The following GNG3 variants were observed in gnomAD, a reference collection of about 807,000 sequenced individuals.
GNG3 encodes G protein subunit gamma 3, also known as guanine nucleotide-binding protein G(I)/G(S)/G(O) subunit gamma-3.
GNG3 carries 4 observed loss-of-function variants against 5.6 expected under a neutral mutation model. That is an observed-to-expected ratio of 0.71 (90% CI 0.35 to 1.63). The LOEUF is 1.63. Among genes scored for constraint, GNG3 ranks in the 40% most tolerant of loss-of-function variants. The probability of loss-of-function intolerance (pLI) is 0.05; values close to 1 mark genes in which losing one functional copy is unlikely to be tolerated. For synonymous variants in GNG3, 30 were observed against 33.5 expected (o/e 0.89, Z 0.36); for missense variants, 62 against 96.6 (o/e 0.64, Z 1.50).
rs1196620339 is a variant in GNG3, at chr11:62,708,275, G to A, written c.-1-20G>A. The A allele has an allele frequency of 1.3e-6, 2 of 1,513,954 alleles. No individual in the cohort carries two copies. Among genetic ancestry groups the A allele is most frequent in the Admixed American group, 3.3e-5 (2 of 59,898 alleles). The allele number at this position is 1,513,954 out of a possible 1,614,324, so 93.8% of individuals were successfully genotyped here. ...GCCTCCAGCTGAGACTGTGCTCTGAGAGGTCCCTCTTTTTTCCAGGATGAA... is the reference window on the plus strand; with the variant it reads ...GCCTCCAGCTGAGACTGTGCTCTGAAAGGTCCCTCTTTTTTCCAGGATGAA... On this transcript the variant is annotated intron_variant, in intron 1 of 2. Coordinates refer to ENST00000294117, the MANE Select transcript of GNG3 (RefSeq NM_012202.5).
In GNG3 at chr11:62,708,284, C is replaced by G. The variant is rs1368104440; in HGVS notation, c.-1-11C>G. 1 of 1,589,732 alleles carries G rather than the reference C, an allele frequency of 6.3e-7. No homozygotes were observed. The highest frequency in any genetic ancestry group is 1.7e-5 in the Admixed American group (1 of 59,994). On this transcript the variant is annotated splice_polypyrimidine_tract_variant and intron_variant, in intron 1 of 2. Transcript: ENST00000294117. ...TGAGACTGTGCTCTGAGAGGTCCCT[C>G]TTTTTTCCAGGATGAAAGGTGAGAC...
At chr11:62,706,477 T>G, upstream of GNG3, 4 of 397,722 alleles carry the variant, frequency 1.0e-5, no homozygotes, top group South Asian at 5.8e-5. Flanking sequence ...GCGGCAGGTT[T>G]CCCTCCGGTT....
rs1037125750 is a variant in GNG3, at chr11:62,709,147, C to G, written c.*341C>G. ...GCCAGGTTCTTGCTCTCAGTCTCAC[C>G]TGGAGCTACTGGGAGGGTAAAGCCA... On this transcript the variant is annotated 3_prime_UTR_variant, in exon 3 of 3. Transcript: ENST00000294117. 4.2e-6 allele frequency: 2 copies of G among 475,050 alleles called. No individual in the cohort carries two copies. The highest frequency in any genetic ancestry group is 3.9e-5 in the African/African-American group (2 of 50,816). 29.4% of individuals were successfully genotyped at this position (475,050 alleles called of 1,614,324 possible).
At position 62,708,590 on chromosome 11, in the gene GNG3, G is replaced by T. The variant is rs189832771; in HGVS notation, c.100-88G>T. ...AAGACAAGTCGTAAGGAGCCCTGGA[G>T]ATGGCAAAAGAGAACCCATTTGGGG... On this transcript the variant is annotated intron_variant, in intron 2 of 2. Coordinates refer to ENST00000294117, the MANE Select transcript of GNG3 (RefSeq NM_012202.5). 291 of 1,565,322 alleles carry T rather than the reference G, an allele frequency of 1.9e-4. No individual in the cohort carries two copies. In the African/African-American group the frequency reaches 3.8e-3, roughly 20 times the overall value.
chr11:62,708,186 G>C, intron 1 of GNG3, 109 bp from the exon 2 acceptor site: 1 of 777,660 alleles, frequency 1.3e-6, no homozygotes, highest in South Asian at 1.4e-5. Flanking sequence ...GATAGGAGGG[G>C]AACAAAATAT....
chr11:62,707,346 A>G (rs768492253), upstream of GNG3: 1 of 756,444 alleles, frequency 1.3e-6, no homozygotes, highest in South Asian at 1.5e-5. Context: ...ACGAAGATTC[A>G]GGTGCTAAGT....
At chr11:62,708,056 T>G (rs536925856) in intron 1 of GNG3, 141 bp downstream of exon 1, 2 of 555,060 alleles carry the variant, frequency 3.6e-6, no homozygotes, top group South Asian at 4.1e-5. Context: ...AAATCATTTG[T>G]GTAAGGTTTA....
At position 62,708,909 on chromosome 11, in the gene GNG3, T is replaced by A; in HGVS notation, c.*103T>A. 1.1e-6 allele frequency: 1 copy of A among 872,466 alleles called. No homozygotes were observed. The highest frequency in any genetic ancestry group is 1.7e-5 in the African/African-American group (1 of 60,090). 54.0% of individuals were successfully genotyped at this position (872,466 alleles called of 1,614,324 possible). A position where few individuals can be genotyped will look rare whatever the true frequency, so the allele number is the denominator to read the frequency against. On this transcript the variant is annotated 3_prime_UTR_variant, in exon 3 of 3. Coordinates refer to ENST00000294117, the MANE Select transcript of GNG3 (RefSeq NM_012202.5). ...CCTTAGGCTCCTTGCATCCCATCCC[T>A]AACCCTTGCCTGACCATGTGAGGTT...
chr11:62,708,106 C>T (rs1463536811), intron 1 of GNG3, 189 bp from the exon 2 acceptor site: 1 of 610,974 alleles, frequency 1.6e-6, no homozygotes, highest in Non-Finnish European at 3.0e-6. Context: ...TTGGGGAGCA[C>T]CTCATCCCAC....
chr11:62,708,953 A>C lies in GNG3; in HGVS notation c.*147A>C, dbSNP rs987310052. 4.3e-6 allele frequency: 3 copies of C among 691,468 alleles called. No homozygotes were observed. Among genetic ancestry groups the C allele is most frequent in the Non-Finnish European group, 5.1e-6 (2 of 389,968 alleles). The allele number at this position is 691,468 out of a possible 1,614,324, so 42.8% of individuals were successfully genotyped here. A position where few individuals can be genotyped will look rare whatever the true frequency, so the allele number is the denominator to read the frequency against. ...TGAGGTTATCTGAAGCACAAGGCCC[A>C]CCCTCACCTATCTGTCGACCCCATT... On this transcript the variant is annotated 3_prime_UTR_variant, in exon 3 of 3. Coordinates refer to ENST00000294117, the MANE Select transcript of GNG3 (RefSeq NM_012202.5).
In GNG3 at chr11:62,708,205, G is replaced by T; in HGVS notation, c.-1-90G>T. ...GGAGGGGAACAAAATATTGGGGTAT[G>T]ACCACAGCCTTGTAAAGGTTGGTGT... On this transcript the variant is annotated intron_variant, in intron 1 of 2. Transcript: ENST00000294117. 4.7e-6 allele frequency: 4 copies of T among 850,982 alleles called. No homozygotes were observed. The South Asian group carries it at 5.3e-5, about 11-fold the overall frequency. The allele number at this position is 850,982 out of a possible 1,614,324, so 52.7% of individuals were successfully genotyped here.
rs1218399619 is a variant in GNG3, at chr11:62,708,289, T to C, written c.-1-6T>C. On this transcript the variant is annotated splice_polypyrimidine_tract_variant and splice_region_variant and intron_variant, in intron 1 of 2. Transcript: ENST00000294117. ...CTGTGCTCTGAGAGGTCCCTCTTTTTTCCAGGATGAAAGGTGAGACCCCGG... is the reference window on the plus strand; with the variant it reads ...CTGTGCTCTGAGAGGTCCCTCTTTTCTCCAGGATGAAAGGTGAGACCCCGG... The C allele has an allele frequency of 6.3e-7, 1 of 1,597,270 alleles. No individual in the cohort carries two copies.
chr11:62,708,321 G>T lies in GNG3; in HGVS notation c.26G>T (p.Ser9Ile), dbSNP rs1193395075. MKGETPVN[S>I]TMSIGQARKM... ...ATGAAAGGTGAGACCCCGGTGAACA[G>T]CACTATGAGTATTGGGCAAGCACGC... Residue 9 changes from serine (S) to isoleucine (I), a missense_variant, in exon 2 of 3, where the codon AGC becomes ATC. Physicochemically the swap from Ser to Ile is moderately radical, Grantham distance 142 (BLOSUM62 -2). Around this residue, in one of 2 missense-constraint regions of GNG3, gnomAD observed 58 missense variants for 75.4 expected, o/e 0.77. Coordinates refer to ENST00000294117, the MANE Select transcript of GNG3 (RefSeq NM_012202.5). 1.2e-6 allele frequency: 2 copies of T among 1,612,916 alleles called. No individual in the cohort carries two copies. Among genetic ancestry groups the T allele is most frequent in the Non-Finnish European group, 1.7e-6 (2 of 1,178,942 alleles).
chr11:62,707,648 T>G (rs1590887974), upstream of GNG3: 1 of 462,288 alleles, frequency 2.2e-6, no homozygotes, highest in South Asian at 2.1e-5. Flanking sequence ...GGCCAGGCAG[T>G]TGGTATGCTC....
chr11:62,708,050 C>T (rs2134751018), intron 1 of GNG3, 135 bp downstream of exon 1: 2 of 543,602 alleles, frequency 3.7e-6, no homozygotes, highest in Non-Finnish European at 6.6e-6. Flanking sequence ...AGCCTTAAAT[C>T]ATTTGTGTAA....
rs2083586227 is a variant in GNG3 at position 62,708,848 on chromosome 11, C to T, written c.*42C>T. The T allele has an allele frequency of 6.7e-7, 1 of 1,490,682 alleles. No homozygotes were observed. Among genetic ancestry groups the T allele is most frequent in the African/African-American group, 1.4e-5 (1 of 72,638 alleles). The allele number at this position is 1,490,682 out of a possible 1,614,324, so 92.3% of individuals were successfully genotyped here. ...TCACAACTCCTCCCTTTTCCCTCTC[C>T]TGGGCCCTTCCTTAGGTCAGTAATT... is the stretch of plus-strand genomic sequence containing the variant. On this transcript the variant is annotated 3_prime_UTR_variant, in exon 3 of 3. Transcript: ENST00000294117.
chr11:62,707,714 G>C lies in GNG3; in HGVS notation c.-203G>C, dbSNP rs958188006. 9 of 340,662 alleles carry C rather than the reference G, an allele frequency of 2.6e-5. No individual in the cohort carries two copies. Among genetic ancestry groups the C allele is most frequent in the Non-Finnish European group, 5.1e-5 (9 of 176,716 alleles). 21.1% of individuals were successfully genotyped at this position (340,662 alleles called of 1,614,324 possible). On this transcript the variant is annotated 5_prime_UTR_variant, in exon 1 of 3. Coordinates refer to ENST00000294117, the MANE Select transcript of GNG3 (RefSeq NM_012202.5). Reference sequence around the variant, plus strand: ...TCATCCTTCAGGTACCAGCCATCCAGACAGTGCTTGAGCTGCAGAAACTGA... The same window carrying C: ...TCATCCTTCAGGTACCAGCCATCCACACAGTGCTTGAGCTGCAGAAACTGA...
At position 62,708,484 on chromosome 11, in the gene GNG3, C is replaced by T. The variant is rs529199599; in HGVS notation, c.99+90C>T. ...GCTCAAGATAAGAGATGCGTTCTTTCCTTCACTCCCTGAGGTCAGGGGAGG... is the reference window on the plus strand; with the variant it reads ...GCTCAAGATAAGAGATGCGTTCTTTTCTTCACTCCCTGAGGTCAGGGGAGG... On this transcript the variant is annotated intron_variant, in intron 2 of 2. Transcript: ENST00000294117. The T allele has an allele frequency of 1.4e-4, 169 of 1,219,876 alleles. No individual in the cohort carries two copies. In the African/African-American group the frequency reaches 1.7e-3, roughly 12 times the overall value. The allele number at this position is 1,219,876 out of a possible 1,614,324, so 75.6% of individuals were successfully genotyped here.
At chr11:62,708,251 C>A in intron 1 of GNG3, 44 bp from the exon 2 acceptor site, 1 of 1,241,386 alleles carries the variant, frequency 8.1e-7, no homozygotes, top group Non-Finnish European at 1.2e-6. Flanking sequence ...TGGAGGGGGG[C>A]CTCCAGCTGA....
Sources: gnomAD v4.1 joint callset for allele counts on GRCh38, gnomAD v4.1.1 for gene constraint, gnomAD v4.1.1 regional missense constraint, MANE v1.5 for transcripts, NCBI Gene and HGNC (gene_info 2026-07-23, HGNC 2026-07-21) for gene names.